POLR3B: variants seen among roughly 807,000 people sequenced by gnomAD.
The protein encoded by POLR3B is DNA-directed RNA polymerase III subunit RPC2.
In POLR3B, 96 loss-of-function variants were observed where a neutral mutation model predicts 147.4. The ratio of observed to expected loss-of-function variants is 0.65; its 90% CI spans 0.55 to 0.77. POLR3B has a LOEUF of 0.77. POLR3B is among the 30% of genes least tolerant of loss of function. POLR3B has a pLI of 0.00. For missense variants in POLR3B, 1,036 were observed against 1,413.5 expected (o/e 0.73, Z 4.28); for synonymous variants, 461 against 485.9 (o/e 0.95, Z 0.67).
intron 23 of POLR3B, among the ~76,000 whole-genome samples, chr12:106,480,642 A>G (rs774734089): frequency 2.0e-5 from 3 of 152,194 alleles, no homozygotes; most frequent in Non-Finnish European, 2.9e-5. Flanking sequence ...GGAGAAGTGT[A>G]GTTTCCTGGC....
intron 9 of POLR3B, among the ~76,000 whole-genome samples, chr12:106,387,401 A>G (rs889581057): frequency 6.6e-6 from 1 of 152,160 alleles, no homozygotes; most frequent in African/African-American, 2.4e-5. Context: ...GATGACTGTT[A>G]TACATACCTG....
At chr12:106,449,935 T>G (rs1414743466) in intron 19 of POLR3B, among the ~76,000 whole-genome samples, 1 of 152,176 alleles carries the variant, frequency 6.6e-6, no homozygotes, top group African/African-American at 2.4e-5. Context: ...GGGGTAGATT[T>G]TTGAAAAGAA....
At chr12:106,376,520 A>G in intron 7 of POLR3B, 70 bp downstream of exon 7, 1 of 1,113,628 alleles carries the variant, frequency 9.0e-7, no homozygotes, top group Non-Finnish European at 1.4e-6. Flanking sequence ...TGGTTTTAAC[A>G]TTTTGTCTCA....
intron 9 of POLR3B, among the ~76,000 whole-genome samples, chr12:106,388,660 G>A (rs2036875517): frequency 1.3e-5 from 2 of 152,256 alleles, no homozygotes; most frequent in Middle Eastern, 3.4e-3. Flanking sequence ...AGTTAGAGAG[G>A]GCTATCACAG....
At chr12:106,378,421 G>A (rs747540999) in intron 8 of POLR3B, 37 bp downstream of exon 8, 22 of 1,284,614 alleles carry the variant, frequency 1.7e-5, no homozygotes, top group Admixed American at 1.7e-4. Context: ...AAGCAATATT[G>A]GTCATTCCAT....
Position 106,496,872 on chromosome 12 carries a change from G to A in POLR3B, c.2938G>A (p.Gly980Ser), listed in dbSNP as rs199865077. The A allele has an allele frequency of 3.7e-6, 6 of 1,614,086 alleles. No individual in the cohort carries two copies. In the African/African-American group the frequency reaches 6.7e-5, roughly 18 times the overall value. The change falls in exon 25 of 28, where the codon GGT (glycine) becomes AGT (serine). Residue 980 changes from glycine (G) to serine (S), a missense_variant. Physicochemically the swap from Gly to Ser is moderately conservative, Grantham distance 56. Transcript: ENST00000228347. ...KDVCEDLVRHGYNYLGKDYVT... is the reference protein window; with the variant it reads ...KDVCEDLVRHSYNYLGKDYVT... ...TGTGTGTGAGGACCTCGTTCGCCATGGTTATAACTACTTGGGGAAAGACTA... is the reference window on the plus strand; with the variant it reads ...TGTGTGTGAGGACCTCGTTCGCCATAGTTATAACTACTTGGGGAAAGACTA...
At chr12:106,383,308 GA>G (rs1251070227) in intron 9 of POLR3B, among the ~76,000 whole-genome samples, 8 of 152,140 alleles carry the variant, frequency 5.3e-5, no homozygotes, top group African/African-American at 1.7e-4. Context: ...ATGTTCACTG[GA>G]ATAGCACTTG....
chr12:106,434,463 G>A (rs2037550642), intron 16 of POLR3B, among the ~76,000 whole-genome samples: 1 of 151,908 alleles, frequency 6.6e-6, no homozygotes, highest in East Asian at 1.9e-4. Context: ...AAACATGGAG[G>A]CATGAAGAAA....
rs898201137 is a variant in POLR3B, at chr12:106,357,757, TA to T, written c.-121del. Reference sequence around the variant, plus strand: ...GGAACCTTTCTACCGCGTCTCTAGCTAACACGCACGGCGGGGACAGTTTAGG... The same window carrying T: ...GGAACCTTTCTACCGCGTCTCTAGCTACACGCACGGCGGGGACAGTTTAGG... On this transcript the variant is annotated 5_prime_UTR_variant, in exon 1 of 28. Transcript: ENST00000228347. The T allele has an allele frequency of 1.0e-6, 1 of 984,998 alleles. No individual in the cohort carries two copies. The highest frequency in any genetic ancestry group is 1.6e-5 in the African/African-American group (1 of 62,462). The allele number at this position is 984,998 out of a possible 1,614,324, so 61.0% of individuals were successfully genotyped here. A position where few individuals can be genotyped will look rare whatever the true frequency, so the allele number is the denominator to read the frequency against.
At chr12:106,384,620 T>G (rs2036809846) in intron 9 of POLR3B, among the ~76,000 whole-genome samples, 1 of 152,094 alleles carries the variant, frequency 6.6e-6, no homozygotes, top group Admixed American at 6.6e-5. Flanking sequence ...GTGCCGTATT[T>G]TTTGTATTTT....
chr12:106,432,268 T>C (rs773128492), intron 14 of POLR3B, 50 bp from the exon 15 acceptor site: 28 of 1,542,922 alleles, frequency 1.8e-5, no homozygotes, highest in Non-Finnish European at 2.4e-5. Context: ...TAAACTGTAC[T>C]TTGTATTACT....
chr12:106,413,761 C>T (rs2136940217), intron 12 of POLR3B, among the ~76,000 whole-genome samples: 1 of 152,068 alleles, frequency 6.6e-6, no homozygotes, highest in Admixed American at 6.5e-5. Flanking sequence ...TGCCTATTCT[C>T]CCTTTTTTCT....
intron 9 of POLR3B, among the ~76,000 whole-genome samples, chr12:106,388,492 A>G (rs940147433): frequency 1.4e-4 from 21 of 152,004 alleles, no homozygotes; most frequent in African/African-American, 4.6e-4. Flanking sequence ...TAATTTTTGT[A>G]TCTTTAGTAG....
At chr12:106,508,476 A>G (rs1243634646) in intron 27 of POLR3B, among the ~76,000 whole-genome samples, 17 of 152,148 alleles carry the variant, frequency 1.1e-4, no homozygotes. Flanking sequence ...CTAGTTTTCT[A>G]CCTGTTAAGA....
intron 9 of POLR3B, 88 bp from the exon 10 acceptor site, chr12:106,392,943 A>G: frequency 6.5e-7 from 1 of 1,542,324 alleles, no homozygotes. Context: ...TAGAAGTAAT[A>G]CCCACAAACA....
At position 106,418,032 on chromosome 12, in the gene POLR3B, A is replaced by G. The variant is rs190854397; in HGVS notation, c.1101+7072A>G. ...ACAATAGCTGCTAATTTCACACCCC[A>G]TGGGATGAGGGAGCATAAATGTGCT... is the stretch of plus-strand genomic sequence containing the variant. On this transcript the variant is annotated intron_variant, in intron 12 of 27. Transcript: ENST00000228347. Among the ~76,000 whole-genome samples the G allele has an allele frequency of 7.6e-4, 115 of 152,316 alleles. No homozygotes were observed. In the Middle Eastern group the frequency reaches 0.01, roughly 14 times the overall value.
chr12:106,467,717 G>T (rs1156638918), intron 23 of POLR3B, among the ~76,000 whole-genome samples: 1 of 151,924 alleles, frequency 6.6e-6, no homozygotes, highest in African/African-American at 2.4e-5. Context: ...TAATCATGTG[G>T]TTTTTGTCAT....
At chr12:106,370,191 A>G (rs1025744699) in intron 6 of POLR3B, among the ~76,000 whole-genome samples, 2 of 151,982 alleles carry the variant, frequency 1.3e-5, no homozygotes, top group African/African-American at 2.4e-5. Flanking sequence ...TGTGTGGTCA[A>G]TAATGGTACT....
intron 12 of POLR3B, among the ~76,000 whole-genome samples, chr12:106,422,808 A>C (rs1382408558): frequency 6.6e-6 from 1 of 152,074 alleles, no homozygotes; most frequent in Non-Finnish European, 1.5e-5. Flanking sequence ...TTTCCATATA[A>C]ATTTTGGAAT....
Sources: allele counts gnomAD v4.1 joint callset (sites outside exome capture counted in the v4.1 genomes callset), GRCh38; gene constraint gnomAD v4.1.1; transcripts MANE v1.5; gene names NCBI Gene and HGNC (gene_info 2026-07-23, HGNC 2026-07-21).